Variants in SHISA9 observed in about 807,000 individuals in gnomAD.
SHISA9 encodes protein shisa-9.
Under a neutral mutation model 38.0 loss-of-function variants are expected in SHISA9, and 13 were observed. That is an observed-to-expected ratio of 0.34 (90% confidence interval 0.22 to 0.54). The LOEUF (loss-of-function observed/expected upper bound fraction) is 0.54, where lower values mean the gene tolerates loss of function less well. Ranked by LOEUF, SHISA9 falls within the 20% of genes least tolerant of loss-of-function variation. SHISA9 has a pLI of 0.91. For missense variants in SHISA9, 538 were observed against 575.8 expected, an observed-to-expected ratio of 0.93 and a Z score of 0.67; for synonymous variants, 275 against 242.0, an observed-to-expected ratio of 1.14 and a Z score of -1.27.
At chr16:12,953,468 C>G (rs1436868525) in intron 2 of SHISA9, among the ~76,000 whole-genome samples, 1 of 152,180 alleles carries the variant, frequency 6.6e-6, no homozygotes, top group Non-Finnish European at 1.5e-5. Flanking sequence ...AGCCAGACAC[C>G]TAACACCAAG....
chr16:13,317,578 C>T, the SHISA9 span, among the ~76,000 whole-genome samples: 1 of 152,180 alleles, frequency 6.6e-6, no homozygotes, highest in Non-Finnish European at 1.5e-5. Context: ...TCTTGCACAG[C>T]CAGCTCTGCC....
At chr16:13,561,125 C>G in the SHISA9 span, among the ~76,000 whole-genome samples, 13,723 of 152,150 alleles carry the variant, frequency 0.09, 827 homozygotes, top group Middle Eastern at 0.14. Context: ...CAGCCAGCCT[C>G]CATAGTGCTG....
chr16:13,290,952 A>T, the SHISA9 span, among the ~76,000 whole-genome samples: 1 of 152,150 alleles, frequency 6.6e-6, no homozygotes, highest in Admixed American at 6.6e-5. Context: ...CCATTGTATC[A>T]TAGAGTTCTG....
intron 2 of SHISA9, among the ~76,000 whole-genome samples, chr16:13,123,786 G>T (rs923585577): frequency 6.6e-6 from 1 of 152,222 alleles, no homozygotes; most frequent in East Asian, 1.9e-4. Flanking sequence ...CTAACAGTGG[G>T]ACTATGGGAG....
At chr16:13,522,255 A>G in the SHISA9 span, among the ~76,000 whole-genome samples, 1 of 152,234 alleles carries the variant, frequency 6.6e-6, no homozygotes, top group Admixed American at 6.5e-5. Flanking sequence ...GCAAAGGCAG[A>G]AAGAAGGTTT....
chr16:13,403,207 T>G, the SHISA9 span, among the ~76,000 whole-genome samples: 1 of 152,210 alleles, frequency 6.6e-6, no homozygotes, highest in African/African-American at 2.4e-5. Context: ...GGACCCACAG[T>G]GTTCCATGAG....
chr16:13,374,954 T>C, the SHISA9 span, among the ~76,000 whole-genome samples: 1 of 152,242 alleles, frequency 6.6e-6, no homozygotes, highest in African/African-American at 2.4e-5. Flanking sequence ...GTTGGCTGCA[T>C]AAATGTCTTC....
At chr16:13,135,415 A>T (rs1375897822) in intron 2 of SHISA9, among the ~76,000 whole-genome samples, 1 of 152,228 alleles carries the variant, frequency 6.6e-6, no homozygotes, top group Non-Finnish European at 1.5e-5. Context: ...GATCTACATC[A>T]TCATAGTCTT....
At chr16:13,532,386 T>A in the SHISA9 span, among the ~76,000 whole-genome samples, 6 of 152,220 alleles carry the variant, frequency 3.9e-5, no homozygotes, top group Non-Finnish European at 7.4e-5. Context: ...CAAAAATGAA[T>A]GGAGCATGGT....
At chr16:13,504,255 T>A in the SHISA9 span, among the ~76,000 whole-genome samples, 1 of 152,104 alleles carries the variant, frequency 6.6e-6, no homozygotes, top group Non-Finnish European at 1.5e-5. Context: ...GATCAACACG[T>A]AAGGTTTCAT....
At chr16:12,983,746 C>G (rs1484841589) in intron 2 of SHISA9, among the ~76,000 whole-genome samples, 1 of 152,204 alleles carries the variant, frequency 6.6e-6, no homozygotes, top group Non-Finnish European at 1.5e-5. Context: ...CCTCAGCCTC[C>G]CAAAGTGCTG....
chr16:13,011,670 C>T (rs1308998071), intron 2 of SHISA9, among the ~76,000 whole-genome samples: 45 of 151,876 alleles, frequency 3.0e-4, no homozygotes, highest in Non-Finnish European at 7.4e-5. Flanking sequence ...TACAGGCACC[C>T]GCCACCATGC....
At chr16:13,145,947 G>A (rs2050443624) in intron 2 of SHISA9, among the ~76,000 whole-genome samples, 1 of 152,228 alleles carries the variant, frequency 6.6e-6, no homozygotes, top group African/African-American at 2.4e-5. Flanking sequence ...CAGCACTATG[G>A]GAGGCCAAGG....
chr16:13,126,801 GGAGA>G (rs527384974), intron 2 of SHISA9, among the ~76,000 whole-genome samples: 24 of 136,640 alleles, frequency 1.8e-4, no homozygotes, highest in East Asian at 4.6e-4. Context: ...ACTGAGGGGA[GGAGA>G]GAGAGAGAGA....
At chr16:13,497,058 A>G in the SHISA9 span, among the ~76,000 whole-genome samples, 1 of 152,202 alleles carries the variant, frequency 6.6e-6, no homozygotes, top group African/African-American at 2.4e-5. Context: ...GAGACTGATC[A>G]AGAGATATGA....
intron 2 of SHISA9, among the ~76,000 whole-genome samples, chr16:13,095,058 A>G (rs2073812066): frequency 6.6e-6 from 1 of 152,190 alleles, no homozygotes; most frequent in African/African-American, 2.4e-5. Context: ...AGAAAACTTG[A>G]TAGGTTAAAT....
the SHISA9 span, among the ~76,000 whole-genome samples, chr16:13,294,600 T>A: frequency 6.6e-6 from 1 of 152,236 alleles, no homozygotes; most frequent in African/African-American, 2.4e-5. Flanking sequence ...CCACTTGTTA[T>A]GTGCATAGAC....
At chr16:13,069,144 T>C (rs115459928) in intron 2 of SHISA9, among the ~76,000 whole-genome samples, 1,753 of 152,032 alleles carry the variant, frequency 0.012, 36 homozygotes, top group African/African-American at 0.04. Context: ...TATGTGTACA[T>C]ATGCATGTAT....
chr16:13,278,177 G>A, the SHISA9 span, among the ~76,000 whole-genome samples: 1 of 152,074 alleles, frequency 6.6e-6, no homozygotes, highest in Non-Finnish European at 1.5e-5. Context: ...AGATGATCAT[G>A]TGATTTTTGT....
Sources: allele counts gnomAD v4.1 joint callset (sites outside exome capture counted in the v4.1 genomes callset), GRCh38; gene constraint gnomAD v4.1.1; transcripts MANE v1.5; gene names NCBI Gene and HGNC (gene_info 2026-07-23, HGNC 2026-07-21).